The following F9 variants were observed in gnomAD, a reference collection of about 807,000 sequenced individuals.
F9 encodes coagulation factor IX.
F9 carries 2 observed loss-of-function variants against 34.1 expected under a neutral mutation model. That is an observed-to-expected ratio of 0.06 (90% confidence interval 0.02 to 0.18). The LOEUF (loss-of-function observed/expected upper bound fraction) is 0.18. Among genes scored for constraint, F9 ranks in the 10% least tolerant of loss-of-function variants. The pLI, the probability that F9 is intolerant of heterozygous loss-of-function variation, is 1.00. For missense variants in F9, 216 were observed against 345.1 expected (o/e 0.63, Z 2.96); for synonymous variants, 137 against 118.8 (o/e 1.15, Z -1.00).
intron 6 of F9, among the ~76,000 whole-genome samples, chrX:139,555,433 G>C (rs183269254): frequency 2.3e-3 from 259 of 113,054 alleles, no homozygotes; most frequent in African/African-American, 7.9e-3. Flanking sequence ...GCCGCGCCTT[G>C]TTCGCGATGG....
chrX:139,552,793 A>T (rs746622871), intron 6 of F9, among the ~76,000 whole-genome samples: 2 of 112,327 alleles, frequency 1.8e-5, no homozygotes, highest in African/African-American at 6.5e-5. Flanking sequence ...TAGTAATTTC[A>T]TGGATTTCTC....
At chrX:139,535,951 A>G (rs1218555478) in intron 1 of F9, among the ~76,000 whole-genome samples, 1 of 110,236 alleles carries the variant, frequency 9.1e-6, no homozygotes, top group East Asian at 2.9e-4. Flanking sequence ...AAACCTGTAC[A>G]GCATGTGACT....
rs1280282582 is a variant in F9, at chrX:139,541,405, G to T, written c.391+216G>T. On this transcript the variant is annotated intron_variant, in intron 4 of 7. Coordinates refer to ENST00000218099, the MANE Select transcript of F9 (RefSeq NM_000133.4). ...TTGGTAACTAATATTAAGTAATAAT[G>T]ATGTTCCACTCACTTATTAATCTTT... Among the ~76,000 whole-genome samples, 4 of 111,601 alleles carry T rather than the reference G, an allele frequency of 3.6e-5. No individual in the cohort carries two copies. In the South Asian group the frequency reaches 1.1e-3, roughly 31 times the overall value.
In F9 at chrX:139,552,311, T is replaced by C. The variant is rs1430258841; in HGVS notation, c.723+1047T>C. 3.6e-5 allele frequency among the ~76,000 whole-genome samples: 4 copies of C among 112,411 alleles called. No homozygotes were observed. The Admixed American group carries it at 3.8e-4, about 11-fold the overall frequency. Reference sequence around the variant, plus strand: ...TCCTTCCCGGGTGCTCTGCAGACATTTCTCCAAGCGTAGTCTGCAAACAAC... The same window carrying C: ...TCCTTCCCGGGTGCTCTGCAGACATCTCTCCAAGCGTAGTCTGCAAACAAC... On this transcript the variant is annotated intron_variant, in intron 6 of 7. Transcript: ENST00000218099.
intron 5 of F9, among the ~76,000 whole-genome samples, chrX:139,550,608 C>T (rs936309869): frequency 2.7e-5 from 3 of 111,375 alleles, no homozygotes; most frequent in Non-Finnish European, 5.6e-5. Flanking sequence ...ATCTAGAAGG[C>T]CTTTTAGTCT....
chrX:139,539,439 A>G (rs1041967672), intron 3 of F9, among the ~76,000 whole-genome samples: 2 of 112,328 alleles, frequency 1.8e-5, no homozygotes, highest in South Asian at 7.4e-4. Flanking sequence ...TTAAACAGGA[A>G]TCTCTCACTT....
chrX:139,551,033 G>A lies in F9; in HGVS notation c.521-29G>A, dbSNP rs775270217. 2.5e-5 allele frequency: 29 copies of A among 1,170,695 alleles called. No individual in the cohort carries two copies. In the East Asian group the frequency reaches 8.6e-4, roughly 35 times the overall value. ...TTCCATTTGCCAATGAGAAATATCA[G>A]GTTACTAATTTTTCTTCTATTTTTC... On this transcript the variant is annotated intron_variant, in intron 5 of 7. Transcript: ENST00000218099.
intron 1 of F9, among the ~76,000 whole-genome samples, chrX:139,532,565 C>G (rs949441211): frequency 1.8e-5 from 2 of 111,393 alleles, no homozygotes; most frequent in Non-Finnish European, 3.8e-5. Flanking sequence ...ACCAGACTCC[C>G]TCTTTGATCT....
Position 139,558,762 on chromosome X carries a change from G to A in F9, c.724-1979G>A, listed in dbSNP as rs4149741. On this transcript the variant is annotated intron_variant, in intron 6 of 7. Transcript: ENST00000218099. Reference sequence around the variant, plus strand: ...TTCTGATTCAGTAGATATATAACAGGTCTCAAACTTAATTATGTAAAGAAT... The same window carrying A: ...TTCTGATTCAGTAGATATATAACAGATCTCAAACTTAATTATGTAAAGAAT... Among the ~76,000 whole-genome samples the A allele has an allele frequency of 2.6e-3, 293 of 111,938 alleles. 2 individuals are homozygous for A. The highest frequency in any genetic ancestry group is 9.3e-3 in the African/African-American group (287 of 30,815).
In F9 at chrX:139,563,011, G is replaced by A. The variant is rs1288812072; in HGVS notation, c.*940G>A. 9.4e-6 allele frequency: 1 copy of A among 106,136 alleles called. No individual in the cohort carries two copies. The highest frequency in any genetic ancestry group is 3.0e-4 in the East Asian group (1 of 3,382). 8.7% of individuals were successfully genotyped at this position (106,136 alleles called of 1,213,427 possible). ...GAGGTCTGACTAGGCATGATTTCAC[G>A]AAGGCAAGATTGGCATATCATTGTA... On this transcript the variant is annotated 3_prime_UTR_variant, in exon 8 of 8. Coordinates refer to ENST00000218099, the MANE Select transcript of F9 (RefSeq NM_000133.4).
At chrX:139,537,510 C>T (rs1004613362) in intron 3 of F9, 124 bp downstream of exon 3, 2 of 548,284 alleles carry the variant, frequency 3.6e-6, no homozygotes, top group Admixed American at 5.9e-5. Context: ...ATCAGTCCAA[C>T]CCTCTAACCC....
intron 6 of F9, among the ~76,000 whole-genome samples, chrX:139,559,426 G>A (rs1420340060): frequency 1.8e-5 from 2 of 111,133 alleles, no homozygotes; most frequent in Non-Finnish European, 3.8e-5. Context: ...GGTGGCATGC[G>A]CCTGTAGTCC....
chrX:139,550,972 A>G (rs1927827509), intron 5 of F9, 90 bp from the exon 6 acceptor site: 1 of 786,658 alleles, frequency 1.3e-6, no homozygotes, highest in East Asian at 3.2e-5. Context: ...CAGAAGTGAC[A>G]AGGATGGGCC....
chrX:139,561,587 C>T lies in F9; in HGVS notation c.902C>T (p.Pro301Leu). 1 of 1,206,862 alleles carries T rather than the reference C, an allele frequency of 8.3e-7. No homozygotes were observed. Among genetic ancestry groups the T allele is most frequent in the Non-Finnish European group, 1.1e-6 (1 of 892,307 alleles). The change falls in exon 8 of 8, where the codon CCT becomes CTT. Residue 301 changes from proline (P) to leucine (L), a missense_variant. Physicochemically the swap from Pro to Leu is moderately conservative, Grantham distance 98. Coordinates refer to ENST00000218099, the MANE Select transcript of F9 (RefSeq NM_000133.4). The stretch of plus-strand genomic sequence containing the variant: ...AAGCGAAATGTGATTCGAATTATTC[C>T]TCACCACAACTACAATGCAGCTATT... ...EQKRNVIRII[P>L]HHNYNAAINK...
chrX:139,549,877 A>G (rs1452617852), intron 5 of F9, among the ~76,000 whole-genome samples: 1 of 112,088 alleles, frequency 8.9e-6, no homozygotes, highest in Admixed American at 9.5e-5. Flanking sequence ...TAAAATGAAG[A>G]ATCTCTAAGG....
intron 4 of F9, among the ~76,000 whole-genome samples, chrX:139,542,762 C>T (rs942311607): frequency 1.8e-4 from 20 of 111,703 alleles, no homozygotes; most frequent in African/African-American, 6.2e-4. Flanking sequence ...GAGTTTGCTA[C>T]GTGTGTGGCT....
intron 3 of F9, among the ~76,000 whole-genome samples, chrX:139,538,181 TTTCA>T (rs1487944246): frequency 8.9e-6 from 1 of 112,097 alleles, no homozygotes; most frequent in Non-Finnish European, 1.9e-5. Context: ...AAAATGCAAG[TTTCA>T]TGTTGGCAGG....
At chrX:139,537,740 C>G (rs1296925667) in intron 3 of F9, among the ~76,000 whole-genome samples, 1 of 111,180 alleles carries the variant, frequency 9.0e-6, no homozygotes, top group Non-Finnish European at 1.9e-5. Context: ...CTTCAAAGTC[C>G]TCCTCATTAT....
At chrX:139,555,198 T>A (rs1195958434) in intron 6 of F9, among the ~76,000 whole-genome samples, 1 of 112,333 alleles carries the variant, frequency 8.9e-6, no homozygotes, top group Non-Finnish European at 1.9e-5. Flanking sequence ...AGCTGTTCTG[T>A]CACTGGGGAC....
Sources: gnomAD v4.1 joint callset for allele counts (sites outside exome capture counted in the v4.1 genomes callset) on GRCh38, gnomAD v4.1.1 for gene constraint, MANE v1.5 for transcripts, NCBI Gene and HGNC (gene_info 2026-07-23, HGNC 2026-07-21) for gene names.